Variants in GALNT5 observed in about 807,000 individuals in gnomAD.
The protein encoded by GALNT5 is UDP-GalNAc:polypeptide N-acetylgalactosaminyltransferase 5.
Under a neutral mutation model 85.4 loss-of-function variants are expected in GALNT5, and 72 were observed. The ratio of observed to expected loss-of-function variants is 0.84; its 90% CI spans 0.70 to 1.03. GALNT5 has a LOEUF of 1.03. Among genes scored for constraint, GALNT5 ranks in the 50% least tolerant of loss-of-function variants. The pLI, the probability that GALNT5 is intolerant of heterozygous loss-of-function variation, is 0.00. For synonymous variants in GALNT5, 404 were observed against 397.0 expected, an observed-to-expected ratio of 1.02 and a Z score of -0.21; for missense variants, 1,137 against 1,135.5, an observed-to-expected ratio of 1.00 and a Z score of -0.02.
intron 1 of GALNT5, among the ~76,000 whole-genome samples, chr2:157,263,049 G>A (rs567844817): frequency 3.3e-5 from 5 of 151,310 alleles, no homozygotes; most frequent in Non-Finnish European, 5.9e-5. Context: ...GGATGGTCTC[G>A]ATCTCCTGAC....
In GALNT5 at chr2:157,258,753, C is replaced by A; in HGVS notation, c.671C>A (p.Thr224Asn). Residue 224 changes from threonine to asparagine, a missense_variant, in exon 1 of 10, where the codon ACT becomes AAT. Transcript: ENST00000259056. ...RDLNVTISLS[T>N]DRPKQRSQAV... ...TTGAATGTGACCATCAGTCTTAGTA[C>A]TGATAGACCAAAGCAGCGATCACAG... 1 of 1,612,918 alleles carries A rather than the reference C, an allele frequency of 6.2e-7. No individual in the cohort carries two copies.
At position 157,284,369 on chromosome 2, in the gene GALNT5, A is replaced by G. The variant is rs757305711; in HGVS notation, c.1542A>G (p.Arg514=). 1.2e-6 allele frequency: 2 copies of G among 1,613,864 alleles called. No homozygotes were observed. Among genetic ancestry groups the G allele is most frequent in the South Asian group, 1.1e-5 (1 of 91,080 alleles). ...FVDEVWSTLL[R]SVHSVINRSP... ...ATGAAGTGTGGTCCACTCTCCTGAG[A>G]TCTGTTCACAGTGTCATCAATCGCT... The change falls in exon 2 of 10, where the codon AGA becomes AGG. Residue 514 remains arginine, a synonymous_variant. Transcript: ENST00000259056.
chr2:157,299,703 T>C (rs752922285), intron 6 of GALNT5, 38 bp downstream of exon 6: 1 of 1,077,844 alleles, frequency 9.3e-7, no homozygotes, highest in Non-Finnish European at 1.4e-6. Flanking sequence ...TTTACGATAA[T>C]GAGTTAATCA....
chr2:157,285,906 G>T, intron 2 of GALNT5, 109 bp from the exon 3 acceptor site: 1 of 675,664 alleles, frequency 1.5e-6, no homozygotes, highest in Non-Finnish European at 2.6e-6. Context: ...AAAATTCAGT[G>T]ATGATGGTAA....
At chr2:157,289,739 G>C (rs1683054189) in intron 3 of GALNT5, among the ~76,000 whole-genome samples, 1 of 151,914 alleles carries the variant, frequency 6.6e-6, no homozygotes, top group Admixed American at 6.6e-5. Context: ...ACCCAAAAAG[G>C]AAAGTAGATA....
rs755375721 is a variant in GALNT5, at chr2:157,258,408, A to G, written c.326A>G (p.Gln109Arg). ...GTTGAGGTGGACTTGGACCAAACCC[A>G]GAGGGAAAGAAAAATGCAGAATGCC... ...LKVEVDLDQTQRERKMQNALG... is the reference protein window; with the variant it reads ...LKVEVDLDQTRRERKMQNALG... Residue 109 changes from glutamine (Q) to arginine (R), a missense_variant, in exon 1 of 10, where the codon CAG becomes CGG. By Grantham distance (43) the Gln-to-Arg change is conservative (BLOSUM62 1). Transcript: ENST00000259056. 6 of 1,610,752 alleles carry G rather than the reference A, an allele frequency of 3.7e-6. No individual in the cohort carries two copies. The South Asian group carries it at 6.6e-5, about 18-fold the overall frequency.
intron 3 of GALNT5, among the ~76,000 whole-genome samples, chr2:157,294,784 CCACACACACACACACA>C (rs60607353): frequency 4.1e-4 from 60 of 147,022 alleles, no homozygotes; most frequent in African/African-American, 1.3e-3. Flanking sequence ...TCACATCACA[CCACACACACACACACA>C]CACACACACA....
chr2:157,307,144 A>T (rs573703808), intron 8 of GALNT5, among the ~76,000 whole-genome samples: 3 of 152,276 alleles, frequency 2.0e-5, no homozygotes, highest in South Asian at 4.1e-4. Flanking sequence ...GCAAAAGTAT[A>T]AATTATGCAG....
chr2:157,280,695 C>CA lies in GALNT5; in HGVS notation c.1455-3584dup, dbSNP rs559565850. 4.0e-3 allele frequency among the ~76,000 whole-genome samples: 610 copies of CA among 152,308 alleles called. 5 individuals are homozygous for CA. The highest frequency in any genetic ancestry group is 0.014 in the African/African-American group (564 of 41,556). On this transcript the variant is annotated intron_variant, in intron 1 of 9. Transcript: ENST00000259056. Reference sequence around the variant, plus strand: ...ATATGGTTTGGATGTTTGTCCCCTTCAAATCTCATGTTGAAATGTGACCTC... The same window carrying CA: ...ATATGGTTTGGATGTTTGTCCCCTTCAAAATCTCATGTTGAAATGTGACCTC...
chr2:157,257,966 G>A lies in GALNT5; in HGVS notation c.-117G>A. On this transcript the variant is annotated 5_prime_UTR_variant, in exon 1 of 10. Transcript: ENST00000259056. ...GCTGCTTCCTGCTGTGTTCAGGGGA[G>A]GGGGTCACTTTCTGGCAACTCTGCT... 1 of 1,020,796 alleles carries A rather than the reference G, an allele frequency of 9.8e-7. No homozygotes were observed. Among genetic ancestry groups the A allele is most frequent in the Non-Finnish European group, 1.5e-6 (1 of 665,476 alleles). The allele number at this position is 1,020,796 out of a possible 1,614,324, so 63.2% of individuals were successfully genotyped here. A position where few individuals can be genotyped will look rare whatever the true frequency, so the allele number is the denominator to read the frequency against.
At chr2:157,277,881 G>A (rs1470492182) in intron 1 of GALNT5, among the ~76,000 whole-genome samples, 1 of 152,172 alleles carries the variant, frequency 6.6e-6, no homozygotes, top group Non-Finnish European at 1.5e-5. Flanking sequence ...TAGCTGGTTA[G>A]TTTGCCCATT....
intron 3 of GALNT5, among the ~76,000 whole-genome samples, chr2:157,294,135 C>T (rs1371527311): frequency 2.0e-5 from 3 of 152,194 alleles, no homozygotes; most frequent in Admixed American, 2.0e-4. Context: ...GAGCTGAGCA[C>T]CCAGGTATCA....
intron 3 of GALNT5, among the ~76,000 whole-genome samples, chr2:157,291,846 C>G (rs1417262260): frequency 1.3e-5 from 2 of 152,038 alleles, no homozygotes; most frequent in African/African-American, 4.8e-5. Context: ...CTATAGTTAA[C>G]AATAGTTTAT....
rs192532118 is a variant in GALNT5 at position 157,314,950 on chromosome 2, C to T, written c.*3602C>T. ...AAAATTAGCTGGGCATGGTGGTGGG[C>T]GCCTGTAATCCCAGCTACCTGGGAG... On this transcript the variant is annotated 3_prime_UTR_variant, in exon 10 of 10. Coordinates refer to ENST00000259056, the MANE Select transcript of GALNT5 (RefSeq NM_014568.3). 3.1e-3 allele frequency among the ~76,000 whole-genome samples: 471 copies of T among 152,012 alleles called. No homozygotes were observed. The highest frequency in any genetic ancestry group is 0.011 in the African/African-American group (444 of 41,468).
chr2:157,276,346 G>C (rs1474897781), intron 1 of GALNT5, among the ~76,000 whole-genome samples: 1 of 152,194 alleles, frequency 6.6e-6, no homozygotes, highest in South Asian at 2.1e-4. Flanking sequence ...CATAAAATGA[G>C]TTAGGGAGGA....
intron 3 of GALNT5, among the ~76,000 whole-genome samples, chr2:157,293,384 T>A (rs568916478): frequency 3.3e-5 from 5 of 152,158 alleles, no homozygotes; most frequent in Non-Finnish European, 5.9e-5. Context: ...CTCTTTCATA[T>A]GAGCACTAAT....
At chr2:157,284,575 T>C (rs1682929830) in intron 2 of GALNT5, 127 bp downstream of exon 2, 1 of 702,632 alleles carries the variant, frequency 1.4e-6, no homozygotes, top group African/African-American at 1.8e-5. Context: ...AATGCTTTGT[T>C]TTACGTGGAG....
intron 1 of GALNT5, among the ~76,000 whole-genome samples, chr2:157,267,832 G>A (rs973660063): frequency 1.3e-5 from 2 of 152,212 alleles, no homozygotes; most frequent in African/African-American, 4.8e-5. Flanking sequence ...TCAGTAGCCA[G>A]GTGATTTTGA....
At chr2:157,273,384 TC>T (rs1163264551) in intron 1 of GALNT5, among the ~76,000 whole-genome samples, 1 of 152,112 alleles carries the variant, frequency 6.6e-6, no homozygotes, top group Non-Finnish European at 1.5e-5. Flanking sequence ...TATTCTTTCT[TC>T]TTTTTTTCTA....
Sources: allele counts gnomAD v4.1 joint callset (sites outside exome capture counted in the v4.1 genomes callset), GRCh38; gene constraint gnomAD v4.1.1; transcripts MANE v1.5; gene names NCBI Gene and HGNC (gene_info 2026-07-23, HGNC 2026-07-21).